Variants in ALK observed in about 807,000 individuals in gnomAD.
ALK encodes the protein ALK receptor tyrosine kinase, also known as ALK tyrosine kinase receptor.
A neutral mutation model predicts 163.1 loss-of-function variants in ALK; 74 were observed. That is an observed-to-expected ratio of 0.45 (90% confidence interval 0.38 to 0.55). The LOEUF is 0.55. ALK is among the 20% of genes least tolerant of loss of function. ALK has a pLI of 0.00. For missense variants in ALK, 2,063 were observed against 2,105.3 expected, an observed-to-expected ratio of 0.98 and a Z score of 0.39; for synonymous variants, 960 against 843.2, an observed-to-expected ratio of 1.14 and a Z score of -2.40.
rs1197758290 is a variant in ALK at position 29,408,107 on chromosome 2, G to C, written c.1155-24248C>G. ...TTTTTCTTTTTTTTTTTTTGAGATG[G>C]AGTCTCGCTCTGTCACCCAGGCTGA... On this transcript the variant is annotated intron_variant, in intron 4 of 28. Transcript: ENST00000389048. Among the ~76,000 whole-genome samples the C allele has an allele frequency of 2.8e-5, 4 of 142,588 alleles. No homozygotes were observed. In the East Asian group the frequency reaches 8.4e-4, roughly 30 times the overall value. 93.5% of individuals were successfully genotyped at this position (142,588 alleles called of 152,430 possible). A position where few individuals can be genotyped will look rare whatever the true frequency, so the allele number is the denominator to read the frequency against.
intron 4 of ALK, among the ~76,000 whole-genome samples, chr2:29,513,628 C>G (rs1672582070): frequency 6.6e-6 from 1 of 151,882 alleles, no homozygotes; most frequent in African/African-American, 2.4e-5. Flanking sequence ...GCAATGGCAA[C>G]AAAAGACAAA....
At chr2:29,806,588 C>G (rs1351475106) in intron 1 of ALK, among the ~76,000 whole-genome samples, 2 of 152,190 alleles carry the variant, frequency 1.3e-5, no homozygotes, top group African/African-American at 4.8e-5. Flanking sequence ...CATGTCCTCA[C>G]CTGGCAGGAT....
At chr2:29,710,493 T>TGTATGC (rs1558453701) in intron 2 of ALK, among the ~76,000 whole-genome samples, 1 of 99,970 alleles carries the variant, frequency 1.0e-5, no homozygotes, top group African/African-American at 4.6e-5. Flanking sequence ...AACCTCAGTC[T>TGTATGC]GTGTGCGTGT....
At chr2:29,607,596 G>A (rs1573494997) in intron 3 of ALK, among the ~76,000 whole-genome samples, 1 of 152,254 alleles carries the variant, frequency 6.6e-6, no homozygotes, top group South Asian at 2.1e-4. Context: ...CTCAGCTTCT[G>A]CTGCAGTCAA....
rs143736976 is a variant in ALK at position 29,527,732 on chromosome 2, C to G, written c.1154+4183G>C. On this transcript the variant is annotated intron_variant, in intron 4 of 28. Transcript: ENST00000389048. Reference sequence around the variant, plus strand: ...GTCTCGCTATGTTGCCCAGGCTGGTCTTGAACTCCTGGCCCCAAGTGATCC... The same window carrying G: ...GTCTCGCTATGTTGCCCAGGCTGGTGTTGAACTCCTGGCCCCAAGTGATCC... 3.7e-3 allele frequency among the ~76,000 whole-genome samples: 561 copies of G among 152,204 alleles called. 2 individuals carry two copies. The highest frequency in any genetic ancestry group is 0.013 in the African/African-American group (529 of 41,530).
At chr2:29,693,659 C>T (rs1678468568) in intron 3 of ALK, among the ~76,000 whole-genome samples, 2 of 152,310 alleles carry the variant, frequency 1.3e-5, no homozygotes, top group South Asian at 2.1e-4. Flanking sequence ...CAATCTCCCT[C>T]ATCAGCTTAC....
intron 1 of ALK, among the ~76,000 whole-genome samples, chr2:29,795,104 A>G (rs1664274452): frequency 6.6e-6 from 1 of 152,130 alleles, no homozygotes; most frequent in African/African-American, 2.4e-5. Flanking sequence ...GTTAGTCCTG[A>G]TATCATCCAA....
chr2:29,418,814 G>C (rs922604107), intron 4 of ALK, among the ~76,000 whole-genome samples: 4 of 147,118 alleles, frequency 2.7e-5, no homozygotes, highest in Middle Eastern at 3.4e-3. Context: ...GGTGGTATAG[G>C]AAAATAGAGA....
At chr2:29,437,786 T>C (rs1670438976) in intron 4 of ALK, among the ~76,000 whole-genome samples, 1 of 152,230 alleles carries the variant, frequency 6.6e-6, no homozygotes, top group African/African-American at 2.4e-5. Context: ...TGTTTATTCT[T>C]CATGCTACAA....
chr2:29,754,815 T>G (rs1052385901), intron 1 of ALK, among the ~76,000 whole-genome samples: 2 of 152,194 alleles, frequency 1.3e-5, no homozygotes, highest in Non-Finnish European at 2.9e-5. Context: ...GCCACTAATA[T>G]TATTTCTCAG....
At chr2:29,804,512 C>G (rs1664560308) in intron 1 of ALK, among the ~76,000 whole-genome samples, 1 of 152,232 alleles carries the variant, frequency 6.6e-6, no homozygotes, top group Non-Finnish European at 1.5e-5. Context: ...GACTGTGTGC[C>G]TTCAGCAGAT....
At chr2:29,620,896 A>AG (rs2148229021) in intron 3 of ALK, among the ~76,000 whole-genome samples, 1 of 152,360 alleles carries the variant, frequency 6.6e-6, no homozygotes, top group South Asian at 2.1e-4. Flanking sequence ...ATTATTAAAG[A>AG]GCAAACTGAC....
chr2:29,479,008 C>T (rs1048429896), intron 4 of ALK, among the ~76,000 whole-genome samples: 45 of 152,168 alleles, frequency 3.0e-4, no homozygotes, highest in African/African-American at 1.1e-3. Flanking sequence ...TGAAGCCTTG[C>T]CATGACATCC....
intron 1 of ALK, among the ~76,000 whole-genome samples, chr2:29,732,959 T>C (rs553690194): frequency 4.6e-5 from 7 of 152,146 alleles, no homozygotes; most frequent in African/African-American, 9.6e-5. Context: ...ATAAAGACTT[T>C]TGAGTTTCTG....
chr2:29,800,701 T>A (rs1439218396), intron 1 of ALK, among the ~76,000 whole-genome samples: 1 of 152,162 alleles, frequency 6.6e-6, no homozygotes, highest in Non-Finnish European at 1.5e-5. Context: ...CAAGCTCTTC[T>A]CTTTGAGATG....
chr2:29,602,716 A>G (rs1675413944), intron 3 of ALK, among the ~76,000 whole-genome samples: 1 of 152,206 alleles, frequency 6.6e-6, no homozygotes, highest in Non-Finnish European at 1.5e-5. Flanking sequence ...GCAAAAATAC[A>G]TAATGATGCT....
intron 26 of ALK, among the ~76,000 whole-genome samples, chr2:29,202,469 C>T (rs1302179680): frequency 6.6e-6 from 1 of 152,242 alleles, no homozygotes; most frequent in African/African-American, 2.4e-5. Context: ...TCAGCTCTCC[C>T]TTTCTTTATG....
chr2:29,244,882 T>G (rs1302107936), intron 12 of ALK, among the ~76,000 whole-genome samples: 15 of 152,288 alleles, frequency 9.8e-5, no homozygotes, highest in Admixed American at 9.8e-4. Context: ...TAAACTTTTC[T>G]GTCCTGTGGT....
At chr2:29,416,415 G>A (rs1340566096) in intron 4 of ALK, among the ~76,000 whole-genome samples, 2 of 152,232 alleles carry the variant, frequency 1.3e-5, no homozygotes, top group African/African-American at 2.4e-5. Context: ...CAGATATCAT[G>A]AAGTCCCCTT....
Sources: allele counts gnomAD v4.1 joint callset (sites outside exome capture counted in the v4.1 genomes callset), GRCh38; gene constraint gnomAD v4.1.1; transcripts MANE v1.5; gene names NCBI Gene and HGNC (gene_info 2026-07-23, HGNC 2026-07-21).